The following SYDE2 variants were observed in gnomAD, a reference collection of about 807,000 sequenced individuals.
SYDE2 encodes the protein rho GTPase-activating protein SYDE2.
A neutral mutation model predicts 91.5 loss-of-function variants in SYDE2; 76 were observed. The observed-to-expected ratio is 0.83, with a 90% CI of 0.69 to 1.01. The LOEUF is 1.01. Ranked by LOEUF, SYDE2 falls within the 50% of genes least tolerant of loss-of-function variation. The pLI, the probability that SYDE2 is intolerant of heterozygous loss-of-function variation, is 0.00. For synonymous variants in SYDE2, 513 were observed against 506.4 expected (o/e 1.01, Z -0.18); for missense variants, 1,364 against 1,367.7 (o/e 1.00, Z 0.04).
At chr1:85,172,256 G>A (rs753929490) in intron 4 of SYDE2, among the ~76,000 whole-genome samples, 1 of 152,180 alleles carries the variant, frequency 6.6e-6, no homozygotes, top group Non-Finnish European at 1.5e-5. Context: ...TCTCTGTGAA[G>A]TTAGGAGGCA....
At chr1:85,170,132 T>G (rs1027785446) in intron 4 of SYDE2, among the ~76,000 whole-genome samples, 1 of 150,704 alleles carries the variant, frequency 6.6e-6, no homozygotes, top group Non-Finnish European at 1.5e-5. Flanking sequence ...TTTTTTTTTT[T>G]AATTGTGACA....
At chr1:85,160,353 T>C (rs978086434) in intron 6 of SYDE2, 2 of 882,386 alleles carry the variant, frequency 2.3e-6, no homozygotes, top group African/African-American at 3.6e-5. Context: ...GATCTCACAC[T>C]TTTTTAAATT....
chr1:85,175,006 A>AGGAT (rs935393495), intron 4 of SYDE2, among the ~76,000 whole-genome samples: 17 of 152,340 alleles, frequency 1.1e-4, no homozygotes, highest in Admixed American at 8.5e-4. Flanking sequence ...TGACTATGGT[A>AGGAT]GGATTAAAAT....
intron 1 of SYDE2, among the ~76,000 whole-genome samples, chr1:85,199,974 T>C (rs1009245544): frequency 1.1e-4 from 17 of 152,020 alleles, no homozygotes; most frequent in Admixed American, 3.3e-4. Flanking sequence ...CTTTAGGTAA[T>C]ACTTAGGGAA....
chr1:85,192,207 T>C (rs1175049184), intron 1 of SYDE2, among the ~76,000 whole-genome samples: 1 of 151,938 alleles, frequency 6.6e-6, no homozygotes, highest in Non-Finnish European at 1.5e-5. Context: ...AAAATCCAAA[T>C]GTCCAGCCTG....
chr1:85,176,598 A>C (rs2100662850), intron 4 of SYDE2, among the ~76,000 whole-genome samples: 1 of 152,328 alleles, frequency 6.6e-6, no homozygotes, highest in East Asian at 1.9e-4. Context: ...AGTAAAAATA[A>C]GAAAGCAAGT....
intron 2 of SYDE2, among the ~76,000 whole-genome samples, chr1:85,188,358 A>G (rs1039099952): frequency 2.6e-5 from 4 of 152,210 alleles, no homozygotes; most frequent in African/African-American, 9.6e-5. Flanking sequence ...AAAAATAAAA[A>G]CAAATAAAAA....
chr1:85,188,959 C>T (rs1457238628), intron 2 of SYDE2, among the ~76,000 whole-genome samples: 1 of 152,194 alleles, frequency 6.6e-6, no homozygotes, highest in African/African-American at 2.4e-5. Flanking sequence ...ATTAAAATGA[C>T]TTGATATAAA....
At chr1:85,179,608 C>T (rs901037042) in intron 3 of SYDE2, among the ~76,000 whole-genome samples, 2 of 152,186 alleles carry the variant, frequency 1.3e-5, no homozygotes, top group African/African-American at 4.8e-5. Context: ...GATCCACATT[C>T]ATGATGCATT....
chr1:85,159,013 T>G lies in SYDE2; in HGVS notation c.3322A>C (p.Asn1108His), dbSNP rs1054445496. The change falls in exon 7 of 7, where the codon AAT becomes CAT. Residue 1108 changes from asparagine to histidine, a missense_variant. Coordinates refer to ENST00000341460, the MANE Select transcript of SYDE2 (RefSeq NM_032184.2). ...GGGACATCATCATAATCCACATCAT[T>G]TAAATTTTCTTTTGTATTTAAAAAG... is the stretch of plus-strand genomic sequence containing the variant. ...NYFLNTKENLNDVDYDDVPSE... is the reference protein window; with the variant it reads ...NYFLNTKENLHDVDYDDVPSE... 1 of 780,782 alleles carries G rather than the reference T, an allele frequency of 1.3e-6. No homozygotes were observed. Among genetic ancestry groups the G allele is most frequent in the Non-Finnish European group, 2.4e-6 (1 of 417,958 alleles). The allele number at this position is 780,782 out of a possible 1,614,324, so 48.4% of individuals were successfully genotyped here. A position where few individuals can be genotyped will look rare whatever the true frequency, so the allele number is the denominator to read the frequency against.
At chr1:85,193,641 T>C (rs1658458883) in intron 1 of SYDE2, among the ~76,000 whole-genome samples, 1 of 151,908 alleles carries the variant, frequency 6.6e-6, no homozygotes, top group Non-Finnish European at 1.5e-5. Flanking sequence ...TTTTTTTTAC[T>C]AGATAGGGTC....
rs1462323273 is a variant in SYDE2 at position 85,200,053 on chromosome 1, A to G, written c.745+199T>C. 3 of 802,112 alleles carry G rather than the reference A, an allele frequency of 3.7e-6. No individual in the cohort carries two copies. The African/African-American group carries it at 5.6e-5, about 15-fold the overall frequency. 49.7% of individuals were successfully genotyped at this position (802,112 alleles called of 1,614,324 possible). A position where few individuals can be genotyped will look rare whatever the true frequency, so the allele number is the denominator to read the frequency against. On this transcript the variant is annotated intron_variant, in intron 1 of 6. Transcript: ENST00000341460. ...TCATGCCATTGTCTGATTAAAAAGA[A>G]AAAAAAAAGCAAAACGAGTAAATGC...
At chr1:85,192,042 T>C (rs1317668619) in intron 1 of SYDE2, among the ~76,000 whole-genome samples, 1 of 152,142 alleles carries the variant, frequency 6.6e-6, no homozygotes, top group Non-Finnish European at 1.5e-5. Context: ...TATGGTCAAC[T>C]CATCTTATTG....
chr1:85,199,962 T>C (rs1486489330), intron 1 of SYDE2, among the ~76,000 whole-genome samples: 1 of 152,046 alleles, frequency 6.6e-6, no homozygotes, highest in Non-Finnish European at 1.5e-5. Context: ...TAACCTTTAC[T>C]CCTTTAGGTA....
chr1:85,160,881 C>T (rs1657031984), intron 6 of SYDE2: 1 of 985,280 alleles, frequency 1.0e-6, no homozygotes, highest in Non-Finnish European at 1.2e-6. Flanking sequence ...TAGAGTTACT[C>T]ACCTAAGACC....
rs577898133 is a variant in SYDE2 at position 85,182,008 on chromosome 1, T to C, written c.2544+90A>G. 48 of 1,316,028 alleles carry C rather than the reference T, an allele frequency of 3.6e-5. 1 individual carries two copies. In the South Asian group the frequency reaches 6.2e-4, roughly 17 times the overall value. 81.5% of individuals were successfully genotyped at this position (1,316,028 alleles called of 1,614,324 possible). On this transcript the variant is annotated intron_variant, in intron 3 of 6. Transcript: ENST00000341460. ...GGAATGGTAAAATATCTAAATTTGA[T>C]TTTTTTACATTACCTTGAATTTCTT...
At chr1:85,164,315 T>C (rs925268875) in intron 6 of SYDE2, among the ~76,000 whole-genome samples, 1 of 152,158 alleles carries the variant, frequency 6.6e-6, no homozygotes, top group Non-Finnish European at 1.5e-5. Context: ...AAGTCTAACA[T>C]GTGCACATTA....
intron 5 of SYDE2, among the ~76,000 whole-genome samples, chr1:85,165,915 C>T (rs922804092): frequency 2.0e-4 from 27 of 134,766 alleles, no homozygotes; most frequent in African/African-American, 7.1e-4. Context: ...ACTCTGTTGC[C>T]GAGGCTGGAG....
chr1:85,200,909 C>T lies in SYDE2; in HGVS notation c.88G>A (p.Gly30Ser). 1 of 1,324,172 alleles carries T rather than the reference C, an allele frequency of 7.6e-7. No homozygotes were observed. Among genetic ancestry groups the T allele is most frequent in the Non-Finnish European group, 9.6e-7 (1 of 1,046,294 alleles). The allele number at this position is 1,324,172 out of a possible 1,614,324, so 82.0% of individuals were successfully genotyped here. Residue 30 changes from glycine (G) to serine (S), a missense_variant, in exon 1 of 7, where the codon GGC becomes AGC. Physicochemically the swap from Gly to Ser is moderately conservative, Grantham distance 56. Transcript: ENST00000341460. ...GCGGCGCCGCGGGAAGGCGGCTGGC[C>T]CGGAGCCCGGGCTCCCGCGGGGAAG... ...HSFPAGARAP[G>S]QPPSRGAAYR...
Sources: allele counts gnomAD v4.1 joint callset (sites outside exome capture counted in the v4.1 genomes callset), GRCh38; gene constraint gnomAD v4.1.1; transcripts MANE v1.5; gene names NCBI Gene and HGNC (gene_info 2026-07-23, HGNC 2026-07-21).